Variants in TMOD3 observed in about 807,000 individuals in gnomAD.
TMOD3 encodes tropomodulin-3.
In TMOD3, 20 loss-of-function variants were observed where a neutral mutation model predicts 39.2. That is an observed-to-expected ratio of 0.51 (90% CI 0.36 to 0.74). The LOEUF (loss-of-function observed/expected upper bound fraction) is 0.74, where lower values mean the gene tolerates loss of function less well. TMOD3 is among the 30% of genes least tolerant of loss of function. The pLI is 0.00. For synonymous variants in TMOD3, 143 were observed against 145.8 expected, an observed-to-expected ratio of 0.98 and a Z score of 0.14; for missense variants, 381 against 412.8, an observed-to-expected ratio of 0.92 and a Z score of 0.67.
intron 1 of TMOD3, among the ~76,000 whole-genome samples, chr15:51,835,508 C>T (rs904199752): frequency 1.3e-5 from 2 of 152,188 alleles, no homozygotes; most frequent in Non-Finnish European, 2.9e-5. Context: ...GGAGTTTCAT[C>T]ATGTTTCCCA....
chr15:51,849,007 A>G (rs1485762490), intron 1 of TMOD3, among the ~76,000 whole-genome samples: 1 of 152,156 alleles, frequency 6.6e-6, no homozygotes. Context: ...AGGAGTGTTT[A>G]TTGGAGTATG....
chr15:51,906,162 T>G (rs1003267987), intron 9 of TMOD3, among the ~76,000 whole-genome samples: 25 of 152,136 alleles, frequency 1.6e-4, no homozygotes, highest in Admixed American at 1.6e-3. Flanking sequence ...CCTCTCATTC[T>G]TCTGCTCAGC....
intron 9 of TMOD3, among the ~76,000 whole-genome samples, chr15:51,903,329 A>T (rs1182574880): frequency 6.6e-6 from 1 of 152,260 alleles, no homozygotes; most frequent in Non-Finnish European, 1.5e-5. Context: ...CTTTTAAATT[A>T]GGATGTTTGC....
chr15:51,888,916 C>A, intron 4 of TMOD3, 140 bp from the exon 5 acceptor site: 1 of 578,184 alleles, frequency 1.7e-6, no homozygotes, highest in African/African-American at 2.0e-5. Context: ...GATTTTTAAT[C>A]ATTTTGTTTT....
intron 1 of TMOD3, among the ~76,000 whole-genome samples, chr15:51,846,153 C>CAAAA (rs71130104): frequency 2.8e-4 from 38 of 138,142 alleles, no homozygotes; most frequent in Admixed American, 5.7e-4. Flanking sequence ...CCATTTCTAC[C>CAAAA]AAAAAAAAAA....
At chr15:51,869,169 C>G (rs770581552) in intron 2 of TMOD3, 48 bp from the exon 3 acceptor site, 2 of 1,592,718 alleles carry the variant, frequency 1.3e-6, no homozygotes, top group African/African-American at 2.7e-5. Flanking sequence ...AAGCATATAG[C>G]ATTAGCATTC....
rs1351105846 is a variant in TMOD3 at position 51,914,164 on chromosome 15, A to G, written c.*5354A>G. 6.6e-6 allele frequency: 1 copy of G among 152,448 alleles called. No homozygotes were observed. Among genetic ancestry groups the G allele is most frequent in the Non-Finnish European group, 1.5e-5 (1 of 68,282 alleles). The allele number at this position is 152,448 out of a possible 1,614,324, so 9.4% of individuals were successfully genotyped here. ...ATTTAAAAATTAGCCAGACACCTAT[A>G]GTACCAGCTACTTAGGAGTCTAAAG... On this transcript the variant is annotated 3_prime_UTR_variant, in exon 10 of 10. Transcript: ENST00000308580.
chr15:51,852,625 C>A (rs1436148777), intron 1 of TMOD3, among the ~76,000 whole-genome samples: 2 of 152,110 alleles, frequency 1.3e-5, no homozygotes, highest in African/African-American at 4.8e-5. Context: ...TCAGCCCCCC[C>A]TTTAGTTGTG....
chr15:51,862,265 G>A (rs2056423135), intron 1 of TMOD3, among the ~76,000 whole-genome samples: 1 of 152,042 alleles, frequency 6.6e-6, no homozygotes, highest in South Asian at 2.1e-4. Flanking sequence ...TCAGAATGCT[G>A]TATTTTTTTC....
At chr15:51,832,920 T>C (rs1024696858) in intron 1 of TMOD3, among the ~76,000 whole-genome samples, 3 of 152,204 alleles carry the variant, frequency 2.0e-5, no homozygotes, top group African/African-American at 7.2e-5. Context: ...ATGCATGAGC[T>C]CTCTCGATTA....
At chr15:51,905,000 C>T (rs145172408) in intron 9 of TMOD3, among the ~76,000 whole-genome samples, 23 of 152,278 alleles carry the variant, frequency 1.5e-4, no homozygotes, top group African/African-American at 4.6e-4. Flanking sequence ...GATTTTCAAA[C>T]GTGGGTCTCA....
At chr15:51,892,967 A>G (rs1047606018) in intron 5 of TMOD3, among the ~76,000 whole-genome samples, 5 of 152,196 alleles carry the variant, frequency 3.3e-5, no homozygotes, top group African/African-American at 9.7e-5. Flanking sequence ...TATGTTTGGT[A>G]TTTATATTCA....
intron 1 of TMOD3, among the ~76,000 whole-genome samples, chr15:51,852,291 TC>T (rs1471685951): frequency 6.6e-6 from 1 of 152,158 alleles, no homozygotes; most frequent in African/African-American, 2.4e-5. Context: ...CACCCAGGGA[TC>T]CTAGGAGAAG....
intron 1 of TMOD3, chr15:51,833,174 T>G (rs2056264760): frequency 6.6e-6 from 1 of 152,234 alleles, no homozygotes; most frequent in African/African-American, 2.4e-5. Context: ...TATAAAAAAT[T>G]ATGTATGTGA....
chr15:51,894,389 C>T (rs1048153545), intron 6 of TMOD3, among the ~76,000 whole-genome samples: 8 of 152,056 alleles, frequency 5.3e-5, no homozygotes, highest in Non-Finnish European at 1.2e-4. Context: ...GCCACTGTCC[C>T]ATCTCAAAAA....
At chr15:51,905,323 C>T (rs1468987421) in intron 9 of TMOD3, among the ~76,000 whole-genome samples, 1 of 152,034 alleles carries the variant, frequency 6.6e-6, no homozygotes, top group East Asian at 1.9e-4. Context: ...CATGGTGAAA[C>T]TAAAAATACA....
At chr15:51,844,297 C>T (rs1205210943) in intron 1 of TMOD3, among the ~76,000 whole-genome samples, 2 of 152,036 alleles carry the variant, frequency 1.3e-5, no homozygotes, top group Non-Finnish European at 2.9e-5. Context: ...TTTTGTTAAC[C>T]AGTAGACTTT....
intron 1 of TMOD3, among the ~76,000 whole-genome samples, chr15:51,839,582 G>C (rs942945182): frequency 6.8e-6 from 1 of 146,308 alleles, no homozygotes; most frequent in African/African-American, 2.5e-5. Context: ...ACAGGCTTTC[G>C]CTGTCATCCA....
chr15:51,863,129 A>T, intron 2 of TMOD3, 119 bp downstream of exon 2: 1 of 1,022,926 alleles, frequency 9.8e-7, no homozygotes, highest in East Asian at 2.7e-5. Context: ...CCTCCACTTT[A>T]TCCAAATCAA....
Sources: allele counts gnomAD v4.1 joint callset (sites outside exome capture counted in the v4.1 genomes callset), GRCh38; gene constraint gnomAD v4.1.1; transcripts MANE v1.5; gene names NCBI Gene and HGNC (gene_info 2026-07-23, HGNC 2026-07-21).